Variants in ROBO2 observed in about 807,000 individuals in gnomAD.
The protein encoded by ROBO2 is roundabout guidance receptor 2.
In ROBO2, 53 loss-of-function variants were observed where a neutral mutation model predicts 160.8. The observed-to-expected ratio is 0.33, with a 90% CI of 0.26 to 0.41. The LOEUF is 0.41. Ranked by LOEUF, ROBO2 falls within the 10% of genes least tolerant of loss-of-function variation. The pLI, the probability that ROBO2 is intolerant of heterozygous loss-of-function variation, is 1.00. For missense variants in ROBO2, 1,577 were observed against 1,722.4 expected, an observed-to-expected ratio of 0.92 and a Z score of 1.49; for synonymous variants, 664 against 611.7, an observed-to-expected ratio of 1.09 and a Z score of -1.26.
At position 76,224,481 on chromosome 3, in the gene ROBO2, G is replaced by T. The variant is rs183030744; in HGVS notation, c.109+286879G>T. Among the ~76,000 whole-genome samples, 8 of 152,250 alleles carry T rather than the reference G, an allele frequency of 5.3e-5. No homozygotes were observed. The East Asian group carries it at 1.5e-3, about 29-fold the overall frequency. ...TTCTCCACAATTATGTTCTCTTTGGGCTCGTAATGGATTGGATGATGCCCA... is the reference window on the plus strand; with the variant it reads ...TTCTCCACAATTATGTTCTCTTTGGTCTCGTAATGGATTGGATGATGCCCA... On this transcript the variant is annotated intron_variant, in intron 2 of 26. Transcript: ENST00000487694.
rs550791028 is a variant in ROBO2 at position 76,678,185 on chromosome 3, G to T, written c.110-419829G>T. On this transcript the variant is annotated intron_variant, in intron 2 of 26. Transcript: ENST00000487694. ...AGGGTTTCGCCATGTTGGCCAAGCT[G>T]GTCTCAAACTCCTGACCTCAGGTGA... Among the ~76,000 whole-genome samples, 362 of 151,806 alleles carry T rather than the reference G, an allele frequency of 2.4e-3. 1 individual carries two copies. Among genetic ancestry groups the T allele is most frequent in the African/African-American group, 8.5e-3 (353 of 41,410 alleles).
chr3:77,565,972 A>G (rs1297078490), intron 12 of ROBO2, among the ~76,000 whole-genome samples: 3 of 152,070 alleles, frequency 2.0e-5, no homozygotes, highest in South Asian at 2.1e-4. Context: ...AGAAACGGTA[A>G]TTTTATTATT....
intron 2 of ROBO2, among the ~76,000 whole-genome samples, chr3:76,674,061 T>C (rs1020881691): frequency 2.6e-5 from 4 of 152,040 alleles, no homozygotes; most frequent in Non-Finnish European, 5.9e-5. Flanking sequence ...TAAATTGTCA[T>C]TCATTTTATA....
chr3:76,036,376 C>A (rs2067108562), intron 2 of ROBO2, among the ~76,000 whole-genome samples: 1 of 151,900 alleles, frequency 6.6e-6, no homozygotes, highest in Admixed American at 6.5e-5. Context: ...TCTCGAACTC[C>A]TGACCTCAGG....
chr3:77,582,357 T>A (rs1583087094), intron 16 of ROBO2, among the ~76,000 whole-genome samples: 1 of 152,106 alleles, frequency 6.6e-6, no homozygotes, highest in South Asian at 2.1e-4. Flanking sequence ...CACCTTGGCC[T>A]CCCAGGCATG....
chr3:76,636,753 G>A (rs555386888), intron 2 of ROBO2, among the ~76,000 whole-genome samples: 1 of 152,138 alleles, frequency 6.6e-6, no homozygotes, highest in South Asian at 2.1e-4. Flanking sequence ...GACATTAGAG[G>A]TGACTTCAGA....
intron 2 of ROBO2, among the ~76,000 whole-genome samples, chr3:76,546,133 T>A (rs1483700419): frequency 1.3e-5 from 2 of 151,900 alleles, no homozygotes; most frequent in Non-Finnish European, 2.9e-5. Context: ...AGTAGACATA[T>A]TTTTCAAGAG....
At chr3:77,273,111 CT>C (rs1041429079) in intron 2 of ROBO2, among the ~76,000 whole-genome samples, 11 of 152,202 alleles carry the variant, frequency 7.2e-5, no homozygotes, top group African/African-American at 2.6e-4. Flanking sequence ...GTTTCCCTTC[CT>C]TTTTCCCCCG....
intron 2 of ROBO2, among the ~76,000 whole-genome samples, chr3:76,977,055 T>C (rs2149308613): frequency 6.6e-6 from 1 of 152,302 alleles, no homozygotes; most frequent in Admixed American, 6.5e-5. Flanking sequence ...AATGGCATCC[T>C]ATGTAAATGC....
intron 2 of ROBO2, among the ~76,000 whole-genome samples, chr3:77,289,254 T>C (rs1044217224): frequency 9.9e-5 from 15 of 152,162 alleles, no homozygotes; most frequent in Non-Finnish European, 2.1e-4. Flanking sequence ...GGTAAGTTCC[T>C]TTGGAAGTGA....
chr3:76,089,676 C>T (rs2069150224), intron 2 of ROBO2, among the ~76,000 whole-genome samples: 1 of 152,010 alleles, frequency 6.6e-6, no homozygotes, highest in Non-Finnish European at 1.5e-5. Context: ...AGAACTTTTT[C>T]AAGTTGATAA....
chr3:77,546,522 C>T lies in ROBO2; in HGVS notation c.1059+60C>T, dbSNP rs909450490. On this transcript the variant is annotated intron_variant, in intron 7 of 25. Transcript: ENST00000461745. Reference sequence around the variant, plus strand: ...CTGAACTTCTACTGTCTCTGCTGCTCCTGAAAGCTTGCCTTGCTTCTCTTG... The same window carrying T: ...CTGAACTTCTACTGTCTCTGCTGCTTCTGAAAGCTTGCCTTGCTTCTCTTG... 1.4e-5 allele frequency: 23 copies of T among 1,598,968 alleles called. No homozygotes were observed. The Admixed American group carries it at 3.5e-4, about 24-fold the overall frequency.
At chr3:76,878,056 G>T (rs1341757740) in intron 2 of ROBO2, among the ~76,000 whole-genome samples, 1 of 152,110 alleles carries the variant, frequency 6.6e-6, no homozygotes, top group African/African-American at 2.4e-5. Context: ...ATCTCCAAAT[G>T]CAGTGGCATT....
chr3:76,283,804 C>T (rs1708370049), intron 2 of ROBO2, among the ~76,000 whole-genome samples: 1 of 151,920 alleles, frequency 6.6e-6, no homozygotes. Context: ...AAATAAGAAA[C>T]AGCTCTATGA....
chr3:76,841,387 A>G (rs764703667), intron 2 of ROBO2, among the ~76,000 whole-genome samples: 15 of 152,176 alleles, frequency 9.9e-5, no homozygotes, highest in Non-Finnish European at 2.1e-4. Context: ...CAACACCACA[A>G]ACATAAAGAG....
chr3:76,425,392 A>T (rs2076170531), intron 2 of ROBO2, among the ~76,000 whole-genome samples: 1 of 151,984 alleles, frequency 6.6e-6, no homozygotes, highest in South Asian at 2.1e-4. Context: ...AACTCTACCC[A>T]TGGACCTATA....
chr3:77,219,427 T>A (rs1018657739), intron 2 of ROBO2, among the ~76,000 whole-genome samples: 143 of 108,740 alleles, frequency 1.3e-3, no homozygotes, highest in African/African-American at 5.3e-3. Context: ...ACTGTGTGTA[T>A]GTGTGTGTAT....
intron 2 of ROBO2, among the ~76,000 whole-genome samples, chr3:77,205,599 T>C (rs1009924871): frequency 7.2e-5 from 11 of 151,998 alleles, no homozygotes; most frequent in Admixed American, 3.3e-4. Flanking sequence ...TATCCAGACT[T>C]GAGGGTGGGG....
At chr3:76,506,683 T>A (rs2080815499) in intron 2 of ROBO2, among the ~76,000 whole-genome samples, 2 of 152,196 alleles carry the variant, frequency 1.3e-5, no homozygotes, top group South Asian at 4.1e-4. Flanking sequence ...GACAAGATGG[T>A]GCTTATGATA....
Sources: gnomAD v4.1 joint callset for allele counts (sites outside exome capture counted in the v4.1 genomes callset) on GRCh38, gnomAD v4.1.1 for gene constraint, MANE v1.5 for transcripts, NCBI Gene and HGNC (gene_info 2026-07-23, HGNC 2026-07-21) for gene names.